WNT7B: variants seen among roughly 807,000 people sequenced by gnomAD.
WNT7B encodes the protein protein Wnt-7b.
In WNT7B, 19 loss-of-function variants were observed where a neutral mutation model predicts 38.2. That is an observed-to-expected ratio of 0.50 (90% CI 0.35 to 0.73). The LOEUF is 0.73. Ranked by LOEUF, WNT7B falls within the 30% of genes least tolerant of loss-of-function variation. The pLI, the probability that WNT7B is intolerant of heterozygous loss-of-function variation, is 0.01. For missense variants in WNT7B, 423 were observed against 507.9 expected (o/e 0.83, Z 1.61); for synonymous variants, 243 against 209.3 (o/e 1.16, Z -1.39).
chr22:45,966,544 C>G lies in WNT7B; in HGVS notation c.71+10140G>C, dbSNP rs1372012965. 6.6e-6 allele frequency among the ~76,000 whole-genome samples: 1 copy of G among 152,236 alleles called. No individual in the cohort carries two copies. The highest frequency in any genetic ancestry group is 1.5e-5 in the Non-Finnish European group (1 of 68,050). ...ACTCCAGGGGATGCTCACTCGGGCT[C>G]TTCTCCGTTGCTGCTGACACCCGGC... On this transcript the variant is annotated intron_variant, in intron 1 of 3. Coordinates refer to ENST00000339464, the MANE Select transcript of WNT7B (RefSeq NM_058238.3). The surrounding 1 kb of genome is among the most constrained non-coding windows in gnomAD (Gnocchi z 4.2).
At chr22:45,947,209 C>T (rs1262694455) in intron 2 of WNT7B, among the ~76,000 whole-genome samples, 1 of 152,192 alleles carries the variant, frequency 6.6e-6, no homozygotes, top group Non-Finnish European at 1.5e-5. Context: ...TGTGGGGAAC[C>T]AGGGTGAATA....
At chr22:45,957,696 A>AAC (rs1932101629) in intron 1 of WNT7B, among the ~76,000 whole-genome samples, 1 of 149,322 alleles carries the variant, frequency 6.7e-6, no homozygotes, top group Admixed American at 6.7e-5. Context: ...AAAAAAAAAA[A>AAC]AAAAAAAAAA....
intron 2 of WNT7B, among the ~76,000 whole-genome samples, chr22:45,940,323 C>A (rs73444593): frequency 0.11 from 17,007 of 152,076 alleles, 1,609 homozygotes; most frequent in African/African-American, 0.26. Context: ...AGACACCGAG[C>A]CGGGATCTGA....
intron 1 of WNT7B, among the ~76,000 whole-genome samples, chr22:45,952,889 C>A (rs1468255566): frequency 6.6e-6 from 1 of 152,248 alleles, no homozygotes; most frequent in African/African-American, 2.4e-5. Flanking sequence ...GTGCCTGGAA[C>A]TAGAGGCCTC....
At position 45,975,417 on chromosome 22, in the gene WNT7B, C is replaced by T. The variant is rs1471855122; in HGVS notation, c.71+1267G>A. ...AGCCTACCCACAGACCTATGATAAA[C>T]GGGGCTACCGGCAGCCGCAGACACG... On this transcript the variant is annotated intron_variant, in intron 1 of 3. Coordinates refer to ENST00000339464, the MANE Select transcript of WNT7B (RefSeq NM_058238.3). This position sits in a 1 kb window ranked among gnomAD's most constrained non-coding sequence, Gnocchi z 6.6. The T allele has an allele frequency of 1.6e-5, 10 of 619,376 alleles. No homozygotes were observed. Among genetic ancestry groups the T allele is most frequent in the South Asian group, 7.4e-5 (4 of 54,408 alleles). The allele number at this position is 619,376 out of a possible 1,614,324, so 38.4% of individuals were successfully genotyped here. A position where few individuals can be genotyped will look rare whatever the true frequency, so the allele number is the denominator to read the frequency against.
intron 3 of WNT7B, among the ~76,000 whole-genome samples, chr22:45,928,265 C>T (rs115903192): frequency 0.069 from 10,555 of 152,192 alleles, 599 homozygotes; most frequent in Admixed American, 0.15. Context: ...CCAGCACCAA[C>T]CCAGGAAGGG....
At chr22:45,942,913 A>G (rs1388400011) in intron 2 of WNT7B, among the ~76,000 whole-genome samples, 1 of 146,490 alleles carries the variant, frequency 6.8e-6, no homozygotes, top group African/African-American at 2.5e-5. Flanking sequence ...GCGTGTGTGC[A>G]GTGTGCACGT....
chr22:45,964,524 C>T (rs1165613654), intron 1 of WNT7B, among the ~76,000 whole-genome samples: 1 of 152,140 alleles, frequency 6.6e-6, no homozygotes, highest in Non-Finnish European at 1.5e-5. Flanking sequence ...GTCAGCCGCA[C>T]CTGGAAATTC....
rs764383546 is a variant in WNT7B, at chr22:45,931,080, G to GCCGCAC, written c.570+12_570+17dup. 2.8e-5 allele frequency: 43 copies of GCCGCAC among 1,551,174 alleles called. No homozygotes were observed. Among genetic ancestry groups the GCCGCAC allele is most frequent in the African/African-American group, 2.4e-4 (18 of 73,660 alleles). On this transcript the variant is annotated intron_variant, in intron 3 of 3. Coordinates refer to ENST00000339464, the MANE Select transcript of WNT7B (RefSeq NM_058238.3). Reference sequence around the variant, plus strand: ...GCGGTCCCAGCTACGGCCCCCACCAGCCGCACCCGCACCCTACCTTCCTGC... The same window carrying GCCGCAC: ...GCGGTCCCAGCTACGGCCCCCACCAGCCGCACCCGCACCCGCACCCTACCTTCCTGC...
chr22:45,933,876 G>C (rs546626103), intron 2 of WNT7B, among the ~76,000 whole-genome samples: 35 of 152,332 alleles, frequency 2.3e-4, no homozygotes, highest in African/African-American at 7.7e-4. Context: ...GGGGGAGAAT[G>C]TCTCGCAAGC....
intron 3 of WNT7B, among the ~76,000 whole-genome samples, chr22:45,929,923 C>CACACTCATCCTT (rs1569111601): frequency 9.8e-6 from 1 of 102,564 alleles, no homozygotes; most frequent in Admixed American, 9.3e-5. Context: ...CATCTATCCT[C>CACACTCATCCTT]CCATCCACCC....
chr22:45,944,601 G>C (rs1327083687), intron 2 of WNT7B, among the ~76,000 whole-genome samples: 1 of 152,244 alleles, frequency 6.6e-6, no homozygotes, highest in South Asian at 2.1e-4. Flanking sequence ...GGGTGGAGGT[G>C]GGGAGTGACC....
intron 1 of WNT7B, among the ~76,000 whole-genome samples, chr22:45,970,095 C>T (rs1310646472): frequency 6.6e-6 from 1 of 152,232 alleles, no homozygotes; most frequent in Admixed American, 6.5e-5. Context: ...ACCAAACAAA[C>T]CGGGCAAGGG....
intron 2 of WNT7B, among the ~76,000 whole-genome samples, chr22:45,941,229 G>A (rs889173351): frequency 4.6e-5 from 7 of 152,186 alleles, no homozygotes; most frequent in Non-Finnish European, 1.0e-4. Flanking sequence ...GTGCAGAAGG[G>A]CCGGGCGCGG....
intron 2 of WNT7B, among the ~76,000 whole-genome samples, chr22:45,932,182 C>T (rs943339243): frequency 6.6e-6 from 1 of 152,196 alleles, no homozygotes; most frequent in Non-Finnish European, 1.5e-5. Flanking sequence ...GCCGGTAGAG[C>T]CAAGCCCACG....
chr22:45,934,860 G>C (rs576355523), intron 2 of WNT7B, among the ~76,000 whole-genome samples: 7 of 152,270 alleles, frequency 4.6e-5, no homozygotes, highest in African/African-American at 1.7e-4. Flanking sequence ...GCTGCAGAGA[G>C]TCATAGTTTT....
At chr22:45,947,417 T>C (rs1931821971) in intron 2 of WNT7B, among the ~76,000 whole-genome samples, 1 of 152,012 alleles carries the variant, frequency 6.6e-6, no homozygotes, top group African/African-American at 2.4e-5. Context: ...CCCTGAGGTG[T>C]ATGGGGAAAT....
At position 45,975,527 on chromosome 22, in the gene WNT7B, G is replaced by A. The variant is rs991802835; in HGVS notation, c.71+1157C>T. ...CACTGGCTTTGTCTCTGCAGGCCTT[G>A]GGCCTCAGTTTCTCCACCTGTAAAA... On this transcript the variant is annotated intron_variant, in intron 1 of 3. Coordinates refer to ENST00000339464, the MANE Select transcript of WNT7B (RefSeq NM_058238.3). The surrounding 1 kb of genome is among the most constrained non-coding windows in gnomAD (Gnocchi z 6.6). 1.1e-5 allele frequency: 8 copies of A among 716,516 alleles called. No homozygotes were observed. Among genetic ancestry groups the A allele is most frequent in the Admixed American group, 2.0e-5 (1 of 49,920 alleles). The allele number at this position is 716,516 out of a possible 1,614,324, so 44.4% of individuals were successfully genotyped here. A position where few individuals can be genotyped will look rare whatever the true frequency, so the allele number is the denominator to read the frequency against.
At position 45,922,836 on chromosome 22, in the gene WNT7B, G is replaced by C; in HGVS notation, c.*20C>G. 1 of 1,579,324 alleles carries C rather than the reference G, an allele frequency of 6.3e-7. No homozygotes were observed. The highest frequency in any genetic ancestry group is 8.6e-7 in the Non-Finnish European group (1 of 1,158,796). ...TGCCGCCGGGTTCCAGGGTGCCCGCGGCCGCCTCCGGGCCTGGCCTCACTT... is the reference window on the plus strand; with the variant it reads ...TGCCGCCGGGTTCCAGGGTGCCCGCCGCCGCCTCCGGGCCTGGCCTCACTT... On this transcript the variant is annotated 3_prime_UTR_variant, in exon 4 of 4. Coordinates refer to ENST00000339464, the MANE Select transcript of WNT7B (RefSeq NM_058238.3).
Sources: gnomAD v4.1 joint callset for allele counts (sites outside exome capture counted in the v4.1 genomes callset) on GRCh38, gnomAD v4.1.1 for gene constraint, Gnocchi (gnomAD v3.1) non-coding constraint, MANE v1.5 for transcripts, NCBI Gene and HGNC (gene_info 2026-07-23, HGNC 2026-07-21) for gene names.